Variants in DCDC1 observed in about 807,000 individuals in gnomAD.
DCDC1 encodes doublecortin domain-containing protein 1.
In DCDC1, 200 loss-of-function variants were observed where a neutral mutation model predicts 178.3. The observed-to-expected ratio is 1.12, with a 90% confidence interval of 1.00 to 1.26. The LOEUF (loss-of-function observed/expected upper bound fraction) is 1.26, where lower values mean the gene tolerates loss of function less well. Among genes scored for constraint, DCDC1 ranks in the 50% most tolerant of loss-of-function variants. The probability of loss-of-function intolerance (pLI) is 0.00; values close to 1 mark genes in which losing one functional copy is unlikely to be tolerated. For missense variants in DCDC1, 1,983 were observed against 1,749.2 expected, an observed-to-expected ratio of 1.13 and a Z score of -2.38; for synonymous variants, 690 against 604.8, an observed-to-expected ratio of 1.14 and a Z score of -2.07.
At chr11:31,210,539 C>T (rs1393862915) in intron 9 of DCDC1, among the ~76,000 whole-genome samples, 3 of 151,784 alleles carry the variant, frequency 2.0e-5, no homozygotes, top group African/African-American at 4.8e-5. Context: ...GGTGAAACCC[C>T]GTTTCTATTA....
chr11:31,270,728 C>A (rs1412981174), intron 7 of DCDC1, among the ~76,000 whole-genome samples: 1 of 152,144 alleles, frequency 6.6e-6, no homozygotes, highest in Non-Finnish European at 1.5e-5. Flanking sequence ...TCTCCCCAAC[C>A]CTCTTATTGA....
chr11:30,887,342 T>C (rs1473473382), intron 36 of DCDC1, among the ~76,000 whole-genome samples: 1 of 152,208 alleles, frequency 6.6e-6, no homozygotes, highest in African/African-American at 2.4e-5. Context: ...AGATAAGATA[T>C]CTTTCAACTT....
intron 36 of DCDC1, among the ~76,000 whole-genome samples, chr11:30,886,191 A>C (rs531319062): frequency 1.3e-5 from 2 of 152,038 alleles, no homozygotes; most frequent in Admixed American, 6.6e-5. Context: ...GGATGATGTA[A>C]TTTTCATTTC....
At chr11:31,341,759 G>A (rs185885332) in intron 1 of DCDC1, among the ~76,000 whole-genome samples, 65 of 150,850 alleles carry the variant, frequency 4.3e-4, no homozygotes, top group Middle Eastern at 3.4e-3. Context: ...TGGGAGTACC[G>A]TTGTAAATGT....
Position 30,976,604 on chromosome 11 carries a change from G to C in DCDC1, c.2592-24036C>G, listed in dbSNP as rs896982788. ...AAATACTCAACATCACTAATCGTCAGAGAAATGCAAATCAAAACTACAATG... is the reference window on the plus strand; with the variant it reads ...AAATACTCAACATCACTAATCGTCACAGAAATGCAAATCAAAACTACAATG... On this transcript the variant is annotated intron_variant, in intron 20 of 38. Transcript: ENST00000684477. Among the ~76,000 whole-genome samples the C allele has an allele frequency of 3.3e-5, 5 of 151,668 alleles. No homozygotes were observed. In the South Asian group the frequency reaches 1.0e-3, roughly 32 times the overall value.
intron 6 of DCDC1, among the ~76,000 whole-genome samples, chr11:31,296,617 A>G (rs1408082646): frequency 6.6e-6 from 1 of 152,172 alleles, no homozygotes; most frequent in Non-Finnish European, 1.5e-5. Context: ...GCATTTTCAC[A>G]CCACTAATAA....
chr11:31,109,659 G>C (rs2135791397), intron 12 of DCDC1, among the ~76,000 whole-genome samples: 2 of 152,284 alleles, frequency 1.3e-5, no homozygotes, highest in African/African-American at 4.8e-5. Context: ...CAAGGCAAGA[G>C]AGCCCAAAAC....
intron 1 of DCDC1, among the ~76,000 whole-genome samples, chr11:31,342,909 T>A (rs1469018796): frequency 3.9e-5 from 6 of 152,178 alleles, no homozygotes; most frequent in African/African-American, 1.4e-4. Flanking sequence ...ATCCTAACTT[T>A]CAGTGAAAGA....
rs915599290 is a variant in DCDC1, at chr11:31,103,706, A to G, written c.1815T>C (p.Asp605=). 5.2e-6 allele frequency: 4 copies of G among 765,758 alleles called. No homozygotes were observed. The highest frequency in any genetic ancestry group is 3.4e-5 in the African/African-American group (2 of 59,138). The allele number at this position is 765,758 out of a possible 1,614,324, so 47.4% of individuals were successfully genotyped here. The part of the protein sequence containing the change: ...FDRVSAFARG[D]IMVAYKTFLD... ...AAAAGGTCTTATATGCAACCATGAT[A>G]TCACCTCTGGCAAATGCACTCACTC... The change falls in exon 14 of 39, where the codon GAT becomes GAC. Residue 605 remains aspartate, a synonymous_variant. Transcript: ENST00000684477.
intron 36 of DCDC1, among the ~76,000 whole-genome samples, chr11:30,888,739 A>C (rs2134027266): frequency 6.6e-6 from 1 of 152,324 alleles, no homozygotes; most frequent in East Asian, 1.9e-4. Flanking sequence ...AACAAAAAAC[A>C]AAACAAAACA....
chr11:30,876,753 T>C (rs1462416879), intron 38 of DCDC1, among the ~76,000 whole-genome samples: 1 of 152,132 alleles, frequency 6.6e-6, no homozygotes, highest in Non-Finnish European at 1.5e-5. Flanking sequence ...AGGAAAGTGA[T>C]AGGTACTTTT....
chr11:30,950,961 C>T (rs1223379868), intron 21 of DCDC1, among the ~76,000 whole-genome samples: 1 of 151,976 alleles, frequency 6.6e-6, no homozygotes, highest in African/African-American at 2.4e-5. Context: ...TGTATCAAAA[C>T]ATCACATGTA....
intron 21 of DCDC1, chr11:30,944,083 G>A (rs1474073826): frequency 4.1e-6 from 1 of 244,152 alleles, no homozygotes; most frequent in Non-Finnish European, 8.3e-6. Flanking sequence ...GGCCCATTTG[G>A]ACAATCAGCC....
chr11:30,994,785 A>G (rs1021768137), intron 20 of DCDC1, among the ~76,000 whole-genome samples: 3 of 145,732 alleles, frequency 2.1e-5, no homozygotes, highest in African/African-American at 5.0e-5. Context: ...ATTTATTATA[A>G]TAAATATATA....
chr11:31,114,624 G>T (rs898912423), intron 11 of DCDC1, among the ~76,000 whole-genome samples: 1 of 152,152 alleles, frequency 6.6e-6, no homozygotes, highest in African/African-American at 2.4e-5. Context: ...CCAGAGCAAT[G>T]AAGCAAGACA....
Position 31,091,416 on chromosome 11 carries a change from T to C in DCDC1, c.2214A>G (p.Gly738=). Residue 738 remains glycine, a synonymous_variant, in exon 17 of 39, where the codon GGA becomes GGG. Transcript: ENST00000684477. ...VKAAEGTSLE[G]YKLILQKRHS... Reference sequence around the variant, plus strand: ...ACCTTTTCTGTAAGATTAATTTATATCCTTCTAGTGATGTTCCCTCAGCAG... The same window carrying C: ...ACCTTTTCTGTAAGATTAATTTATACCCTTCTAGTGATGTTCCCTCAGCAG... 1.3e-6 allele frequency: 1 copy of C among 755,702 alleles called. No homozygotes were observed. The highest frequency in any genetic ancestry group is 2.4e-6 in the Non-Finnish European group (1 of 412,238). The allele number at this position is 755,702 out of a possible 1,614,324, so 46.8% of individuals were successfully genotyped here.
At chr11:30,888,400 T>C (rs1590234326) in intron 36 of DCDC1, among the ~76,000 whole-genome samples, 2 of 152,330 alleles carry the variant, frequency 1.3e-5, no homozygotes, top group East Asian at 3.9e-4. Context: ...GGTTCTAAGA[T>C]ATCTAGTCAT....
At chr11:31,287,546 A>G (rs1159863878) in intron 7 of DCDC1, among the ~76,000 whole-genome samples, 1 of 152,034 alleles carries the variant, frequency 6.6e-6, no homozygotes, top group Non-Finnish European at 1.5e-5. Flanking sequence ...CTGTCAATAA[A>G]GAGATGGTTC....
chr11:31,280,023 C>T (rs1187641713), intron 7 of DCDC1, among the ~76,000 whole-genome samples: 14 of 151,996 alleles, frequency 9.2e-5, no homozygotes, highest in Non-Finnish European at 1.3e-4. Flanking sequence ...AAAAAACTTG[C>T]TATTTTAAAA....
Sources: allele counts gnomAD v4.1 joint callset (sites outside exome capture counted in the v4.1 genomes callset), GRCh38; gene constraint gnomAD v4.1.1; transcripts MANE v1.5; gene names NCBI Gene and HGNC (gene_info 2026-07-23, HGNC 2026-07-21).